XRCC4: variants seen among roughly 807,000 people sequenced by gnomAD.
XRCC4 encodes X-ray repair cross complementing 4.
A neutral mutation model predicts 39.1 loss-of-function variants in XRCC4; 28 were observed. The ratio of observed to expected loss-of-function variants is 0.72; its 90% CI spans 0.53 to 0.98. XRCC4 has a LOEUF of 0.98. XRCC4 is among the 50% of genes least tolerant of loss of function. The probability of loss-of-function intolerance (pLI) is 0.00; values close to 1 mark genes in which losing one functional copy is unlikely to be tolerated. For missense variants in XRCC4, 350 were observed against 376.4 expected, an observed-to-expected ratio of 0.93 and a Z score of 0.58; for synonymous variants, 123 against 126.4, an observed-to-expected ratio of 0.97 and a Z score of 0.18.
At chr5:83,350,028 C>T (rs1757033592) in intron 7 of XRCC4, among the ~76,000 whole-genome samples, 1 of 152,116 alleles carries the variant, frequency 6.6e-6, no homozygotes, top group Admixed American at 6.5e-5. Context: ...GTGTTCTGTT[C>T]CTGCATTAAT....
intron 6 of XRCC4, among the ~76,000 whole-genome samples, chr5:83,258,187 T>TA (rs201678712): frequency 4.6e-4 from 70 of 151,460 alleles, no homozygotes; most frequent in African/African-American, 1.2e-3. Context: ...TAAAAGATAA[T>TA]AAAAAAAAAC....
At chr5:83,192,116 G>A (rs1750722415) in intron 3 of XRCC4, among the ~76,000 whole-genome samples, 1 of 145,350 alleles carries the variant, frequency 6.9e-6, no homozygotes, top group Non-Finnish European at 1.6e-5. Flanking sequence ...CACTTAGAAT[G>A]ATAACTATTA....
At chr5:83,326,717 T>G (rs2112151981) in intron 7 of XRCC4, among the ~76,000 whole-genome samples, 1 of 152,170 alleles carries the variant, frequency 6.6e-6, no homozygotes, top group East Asian at 1.9e-4. Flanking sequence ...AGCAACCAAG[T>G]CGTGCCAGAA....
intron 6 of XRCC4, among the ~76,000 whole-genome samples, chr5:83,216,787 G>A (rs930454958): frequency 1.3e-5 from 2 of 152,064 alleles, no homozygotes; most frequent in East Asian, 1.9e-4. Context: ...ACTGAAAACC[G>A]ATTAAATGTT....
chr5:83,194,284 C>T (rs1422443583), intron 3 of XRCC4, among the ~76,000 whole-genome samples: 1 of 152,118 alleles, frequency 6.6e-6, no homozygotes, highest in Non-Finnish European at 1.5e-5. Context: ...TATATTTACA[C>T]TCAGAGAGGT....
At chr5:83,202,388 T>C (rs1433144487) in intron 4 of XRCC4, among the ~76,000 whole-genome samples, 3 of 152,234 alleles carry the variant, frequency 2.0e-5, no homozygotes, top group African/African-American at 4.8e-5. Flanking sequence ...TGGCAAAGAC[T>C]GTGCTGTAAG....
At chr5:83,085,384 G>A (rs771505303) in intron 1 of XRCC4, among the ~76,000 whole-genome samples, 6 of 152,034 alleles carry the variant, frequency 3.9e-5, no homozygotes, top group Non-Finnish European at 8.8e-5. Context: ...CAATAAATAC[G>A]GAACATGTCC....
chr5:83,312,468 A>C (rs1463653407), intron 7 of XRCC4, among the ~76,000 whole-genome samples: 2 of 152,194 alleles, frequency 1.3e-5, no homozygotes, highest in East Asian at 1.9e-4. Context: ...TTGTGTGAGG[A>C]GCATCATATT....
chr5:83,326,566 T>C (rs1200101805), intron 7 of XRCC4, among the ~76,000 whole-genome samples: 1 of 152,116 alleles, frequency 6.6e-6, no homozygotes, highest in Admixed American at 6.6e-5. Flanking sequence ...TTGGGATCTA[T>C]ATATTCTACT....
intron 3 of XRCC4, among the ~76,000 whole-genome samples, chr5:83,149,393 A>C (rs1748604367): frequency 1.3e-5 from 2 of 151,768 alleles, no homozygotes. Flanking sequence ...ATATATATGT[A>C]ATGGATATTT....
At chr5:83,288,287 G>A (rs1754801332) in intron 7 of XRCC4, among the ~76,000 whole-genome samples, 2 of 151,848 alleles carry the variant, frequency 1.3e-5, no homozygotes, top group South Asian at 4.1e-4. Context: ...CAAGTTTATT[G>A]ATACTGCTCT....
intron 7 of XRCC4, among the ~76,000 whole-genome samples, chr5:83,297,025 G>A (rs909286041): frequency 1.3e-5 from 2 of 151,848 alleles, no homozygotes; most frequent in South Asian, 4.1e-4. Flanking sequence ...AATAAAGAAT[G>A]AACATCTTGG....
intron 6 of XRCC4, among the ~76,000 whole-genome samples, chr5:83,219,235 C>T (rs746699654): frequency 2.8e-4 from 42 of 151,972 alleles, no homozygotes; most frequent in Non-Finnish European, 5.0e-4. Flanking sequence ...CTGTAAATAC[C>T]CTACATCCAA....
chr5:83,307,665 C>CAA (rs1221542786), intron 7 of XRCC4, among the ~76,000 whole-genome samples: 9 of 152,050 alleles, frequency 5.9e-5, no homozygotes, highest in African/African-American at 1.9e-4. Flanking sequence ...CAGAGAATGA[C>CAA]AAATTCAGAA....
chr5:83,278,580 C>T (rs191188079), intron 7 of XRCC4, among the ~76,000 whole-genome samples: 227 of 152,202 alleles, frequency 1.5e-3, no homozygotes, highest in African/African-American at 4.9e-3. Context: ...AAGGCAGCAG[C>T]GCAAAAAAGC....
intron 7 of XRCC4, among the ~76,000 whole-genome samples, chr5:83,343,564 A>G (rs1756826273): frequency 1.3e-5 from 2 of 152,162 alleles, no homozygotes; most frequent in South Asian, 4.1e-4. Context: ...TTGGGTGGCA[A>G]GTGGAAACAG....
chr5:83,216,776 T>C (rs983854888), intron 6 of XRCC4, among the ~76,000 whole-genome samples: 1 of 152,090 alleles, frequency 6.6e-6, no homozygotes, highest in African/African-American at 2.4e-5. Context: ...TATATATAGG[T>C]ACTGAAAACC....
In XRCC4 at chr5:83,303,933, A is replaced by C. The variant is rs1252579157; in HGVS notation, c.893+45256A>C. Reference sequence around the variant, plus strand: ...AACTAATGACTTTGCACTCAACTACAGTCAACTCTTAATTAACTGGCCTAA... The same window carrying C: ...AACTAATGACTTTGCACTCAACTACCGTCAACTCTTAATTAACTGGCCTAA... On this transcript the variant is annotated intron_variant, in intron 7 of 7. Coordinates refer to ENST00000396027, the MANE Select transcript of XRCC4 (RefSeq NM_003401.5). 2.0e-5 allele frequency among the ~76,000 whole-genome samples: 3 copies of C among 152,306 alleles called. No individual in the cohort carries two copies. The East Asian group carries it at 5.8e-4, about 29-fold the overall frequency.
chr5:83,131,439 C>G (rs1747575633), intron 3 of XRCC4, among the ~76,000 whole-genome samples: 1 of 152,112 alleles, frequency 6.6e-6, no homozygotes, highest in Admixed American at 6.6e-5. Flanking sequence ...TCTTTGTTAA[C>G]TTTCTGTCTC....
Sources: gnomAD v4.1 joint callset for allele counts (sites outside exome capture counted in the v4.1 genomes callset) on GRCh38, gnomAD v4.1.1 for gene constraint, MANE v1.5 for transcripts, NCBI Gene and HGNC (gene_info 2026-07-23, HGNC 2026-07-21) for gene names.